The following DCLK1 variants were observed in gnomAD, a reference collection of about 807,000 sequenced individuals.
DCLK1 encodes serine/threonine-protein kinase DCLK1.
Under a neutral mutation model 86.2 loss-of-function variants are expected in DCLK1, and 16 were observed. The observed-to-expected ratio is 0.19, with a 90% CI of 0.13 to 0.28. DCLK1 has a LOEUF of 0.28. Ranked by LOEUF, DCLK1 falls within the 10% of genes least tolerant of loss-of-function variation. The pLI is 1.00. For missense variants in DCLK1, 590 were observed against 940.2 expected, an observed-to-expected ratio of 0.63 and a Z score of 4.87; for synonymous variants, 369 against 370.5, an observed-to-expected ratio of 1.00 and a Z score of 0.05.
chr13:35,897,651 T>C (rs1308266092), intron 4 of DCLK1, among the ~76,000 whole-genome samples: 1 of 151,462 alleles, frequency 6.6e-6, no homozygotes, highest in Non-Finnish European at 1.5e-5. Context: ...TTGACTTTTA[T>C]GATTAGTTGG....
intron 5 of DCLK1, among the ~76,000 whole-genome samples, chr13:35,866,390 T>G (rs1871788922): frequency 6.6e-6 from 1 of 152,100 alleles, no homozygotes; most frequent in African/African-American, 2.4e-5. Context: ...AAGTAGAAAT[T>G]TAAACACTGA....
chr13:35,958,202 C>CACCA (rs1351166734), intron 3 of DCLK1, among the ~76,000 whole-genome samples: 1 of 64,164 alleles, frequency 1.6e-5, no homozygotes. Context: ...CCACCACCAC[C>CACCA]ATTATAACCA....
At chr13:35,913,168 C>T (rs1018273724) in intron 4 of DCLK1, among the ~76,000 whole-genome samples, 7 of 152,168 alleles carry the variant, frequency 4.6e-5, no homozygotes, top group African/African-American at 1.7e-4. Context: ...AATACAGCCA[C>T]GTGACTTTGA....
intron 4 of DCLK1, among the ~76,000 whole-genome samples, chr13:35,885,310 A>G (rs897128894): frequency 6.6e-6 from 1 of 152,192 alleles, no homozygotes; most frequent in African/African-American, 2.4e-5. Context: ...GGGACAACAA[A>G]AAAAAAATTC....
intron 3 of DCLK1, among the ~76,000 whole-genome samples, chr13:36,052,656 G>A (rs547405883): frequency 6.6e-6 from 1 of 152,258 alleles, no homozygotes; most frequent in Non-Finnish European, 1.5e-5. Context: ...AAGTAAAGGA[G>A]ACGTATTCAA....
chr13:35,837,939 G>A (rs1325548252), intron 7 of DCLK1, among the ~76,000 whole-genome samples: 1 of 151,802 alleles, frequency 6.6e-6, no homozygotes. Context: ...GGTGGCAGAC[G>A]CCTGTAATCC....
At chr13:35,929,323 A>G (rs1257746633) in intron 4 of DCLK1, among the ~76,000 whole-genome samples, 1 of 152,230 alleles carries the variant, frequency 6.6e-6, no homozygotes, top group African/African-American at 2.4e-5. Flanking sequence ...AAATTTGGCT[A>G]TGTTAACTTT....
intron 3 of DCLK1, among the ~76,000 whole-genome samples, chr13:36,096,955 G>A (rs1011818664): frequency 6.6e-6 from 1 of 152,134 alleles, no homozygotes; most frequent in Admixed American, 6.5e-5. Flanking sequence ...AAGATAATAA[G>A]TGGCTCACAG....
intron 7 of DCLK1, among the ~76,000 whole-genome samples, chr13:35,836,580 G>A (rs1296983994): frequency 6.6e-6 from 1 of 152,130 alleles, no homozygotes; most frequent in Non-Finnish European, 1.5e-5. Context: ...AAAATTGCCT[G>A]CTGTTTGGAC....
At chr13:35,823,205 G>A (rs893381375) in intron 10 of DCLK1, among the ~76,000 whole-genome samples, 8 of 152,122 alleles carry the variant, frequency 5.3e-5, no homozygotes, top group East Asian at 3.9e-4. Context: ...ACTGTGACAC[G>A]TGAAGATCCC....
At chr13:35,866,623 T>A (rs1241937561) in intron 5 of DCLK1, among the ~76,000 whole-genome samples, 1 of 151,356 alleles carries the variant, frequency 6.6e-6, no homozygotes, top group Non-Finnish European at 1.5e-5. Context: ...TGTATTTTTT[T>A]TTTTTTTTTT....
intron 2 of DCLK1, among the ~76,000 whole-genome samples, chr13:36,121,985 G>A (rs1886009293): frequency 1.3e-5 from 2 of 152,294 alleles, no homozygotes; most frequent in African/African-American, 4.8e-5. Flanking sequence ...AAAAGAAAAA[G>A]AAACTAGTAA....
At chr13:35,877,501 C>T (rs752945345) in intron 4 of DCLK1, among the ~76,000 whole-genome samples, 28 of 152,190 alleles carry the variant, frequency 1.8e-4, no homozygotes, top group Non-Finnish European at 3.1e-4. Context: ...GGTGAAGTCC[C>T]TTGAGTGTCT....
chr13:36,083,764 T>C (rs1189689586), intron 3 of DCLK1, among the ~76,000 whole-genome samples: 1 of 152,152 alleles, frequency 6.6e-6, no homozygotes, highest in Non-Finnish European at 1.5e-5. Flanking sequence ...TCCACTGTGG[T>C]GTAGGTGCTT....
intron 3 of DCLK1, among the ~76,000 whole-genome samples, chr13:36,005,564 C>G (rs151327502): frequency 1.0e-3 from 159 of 152,258 alleles, no homozygotes; most frequent in African/African-American, 3.8e-3. Flanking sequence ...AGTAACACTC[C>G]ATAGGTATCT....
chr13:35,911,090 T>C (rs1351453422), intron 4 of DCLK1, among the ~76,000 whole-genome samples: 1 of 141,970 alleles, frequency 7.0e-6, no homozygotes, highest in Non-Finnish European at 1.5e-5. Flanking sequence ...GAGACCATCC[T>C]GGCTAACACG....
At chr13:36,057,564 A>G (rs1883383565) in intron 3 of DCLK1, among the ~76,000 whole-genome samples, 1 of 152,224 alleles carries the variant, frequency 6.6e-6, no homozygotes, top group Admixed American at 6.5e-5. Flanking sequence ...TTGCTTGTTA[A>G]TAATACCATT....
At chr13:35,821,272 A>G (rs908599458) in intron 11 of DCLK1, among the ~76,000 whole-genome samples, 5 of 152,216 alleles carry the variant, frequency 3.3e-5, no homozygotes, top group African/African-American at 4.8e-5. Flanking sequence ...AAGTACATAG[A>G]TGGTTCTCCA....
chr13:35,978,697 C>T lies in DCLK1; in HGVS notation c.724-31240G>A, dbSNP rs148707030. Reference sequence around the variant, plus strand: ...ACAACCAACATGTAATATCACAATTCGCCACTTGGTGTCACTAGACCTCCA... The same window carrying T: ...ACAACCAACATGTAATATCACAATTTGCCACTTGGTGTCACTAGACCTCCA... On this transcript the variant is annotated intron_variant, in intron 3 of 16. Transcript: ENST00000360631. Among the ~76,000 whole-genome samples, 3 of 152,236 alleles carry T rather than the reference C, an allele frequency of 2.0e-5. No homozygotes were observed. The East Asian group carries it at 5.8e-4, about 29-fold the overall frequency.
Sources: gnomAD v4.1 joint callset for allele counts (sites outside exome capture counted in the v4.1 genomes callset) on GRCh38, gnomAD v4.1.1 for gene constraint, MANE v1.5 for transcripts, NCBI Gene and HGNC (gene_info 2026-07-23, HGNC 2026-07-21) for gene names.